ABTB3: variants seen among roughly 807,000 people sequenced by gnomAD.
ABTB3 encodes ankyrin repeat- and BTB/POZ domain-containing protein 3.
At chr12:107,535,490 A>G in the ABTB3 span, among the ~76,000 whole-genome samples, 4 of 152,214 alleles carry the variant, frequency 2.6e-5, no homozygotes, top group African/African-American at 9.6e-5. Context: ...CCCTCTTTGC[A>G]AATGGCATGA....
chr12:107,657,756 A>G, the ABTB3 span: 2 of 1,602,028 alleles, frequency 1.2e-6, no homozygotes, highest in Non-Finnish European at 1.7e-6. Flanking sequence ...GGAACTTTCC[A>G]GTTCTCCTGC....
chr12:107,433,801 A>G, the ABTB3 span, among the ~76,000 whole-genome samples: 1 of 152,186 alleles, frequency 6.6e-6, no homozygotes, highest in Non-Finnish European at 1.5e-5. Flanking sequence ...ACAAAGTACC[A>G]TTGACTAGGT....
chr12:107,459,230 A>G, the ABTB3 span, among the ~76,000 whole-genome samples: 1 of 152,234 alleles, frequency 6.6e-6, no homozygotes, highest in Admixed American at 6.5e-5. Flanking sequence ...TCAAAGCCAC[A>G]TGCTAGTCAG....
At chr12:107,657,608 G>A in the ABTB3 span, 4 of 1,614,198 alleles carry the variant, frequency 2.5e-6, no homozygotes, top group Non-Finnish European at 3.4e-6. Context: ...GCTCCTGTAT[G>A]ACAAAAATGG....
At chr12:107,618,900 T>C in the ABTB3 span, among the ~76,000 whole-genome samples, 1 of 152,196 alleles carries the variant, frequency 6.6e-6, no homozygotes, top group Non-Finnish European at 1.5e-5. Context: ...CCTGTTGAGC[T>C]TCAGAGGGCA....
At chr12:107,351,116 A>T in the ABTB3 span, among the ~76,000 whole-genome samples, 1 of 152,222 alleles carries the variant, frequency 6.6e-6, no homozygotes, top group Non-Finnish European at 1.5e-5. Flanking sequence ...ATTCAATTAC[A>T]GGATTTGCAG....
chr12:107,360,926 T>A, the ABTB3 span, among the ~76,000 whole-genome samples: 1 of 106,246 alleles, frequency 9.4e-6, no homozygotes, highest in South Asian at 3.5e-4. Flanking sequence ...GCTAATTTAA[T>A]TTAATTTTTT....
chr12:107,540,331 T>C, the ABTB3 span, among the ~76,000 whole-genome samples: 2 of 152,178 alleles, frequency 1.3e-5, no homozygotes, highest in Non-Finnish European at 2.9e-5. Context: ...AAAATTTACC[T>C]TTCCTGTGCC....
chr12:107,500,638 A>G, the ABTB3 span, among the ~76,000 whole-genome samples: 2 of 152,272 alleles, frequency 1.3e-5, no homozygotes, highest in South Asian at 2.1e-4. Flanking sequence ...TGCTCAGGCC[A>G]CGACTGTGTA....
At chr12:107,656,052 C>G in the ABTB3 span, among the ~76,000 whole-genome samples, 430 of 151,390 alleles carry the variant, frequency 2.8e-3, 4 homozygotes, top group East Asian at 0.027. Context: ...TTTTGGGAGG[C>G]TGAGGTGGGA....
the ABTB3 span, among the ~76,000 whole-genome samples, chr12:107,374,997 T>G: frequency 6.6e-6 from 1 of 152,110 alleles, no homozygotes; most frequent in Non-Finnish European, 1.5e-5. Flanking sequence ...GGGGAAAGGT[T>G]AAGTCTTTTT....
At chr12:107,581,873 G>C in the ABTB3 span, among the ~76,000 whole-genome samples, 3 of 152,152 alleles carry the variant, frequency 2.0e-5, no homozygotes, top group African/African-American at 7.2e-5. Flanking sequence ...TCATAATCTG[G>C]CTTTAAATGC....
At chr12:107,635,327 T>G in the ABTB3 span, 1 of 1,613,962 alleles carries the variant, frequency 6.2e-7, no homozygotes, top group South Asian at 1.1e-5. Flanking sequence ...CTTCACACAC[T>G]GCTACGGGCC....
At chr12:107,494,667 G>T in the ABTB3 span, among the ~76,000 whole-genome samples, 1 of 152,166 alleles carries the variant, frequency 6.6e-6, no homozygotes, top group Admixed American at 6.5e-5. Context: ...TTCGGAGCCT[G>T]GGCATCTCCT....
chr12:107,386,490 CT>C, the ABTB3 span, among the ~76,000 whole-genome samples: 6 of 152,278 alleles, frequency 3.9e-5, no homozygotes, highest in South Asian at 1.2e-3. Flanking sequence ...GATAAAAGCC[CT>C]TTATAACTGT....
chr12:107,586,655 T>A, the ABTB3 span, among the ~76,000 whole-genome samples: 157 of 152,264 alleles, frequency 1.0e-3, no homozygotes, highest in Non-Finnish European at 1.9e-3. Flanking sequence ...CCTGGGGAGT[T>A]GCTTTGGGGC....
chr12:107,464,251 G>C, the ABTB3 span, among the ~76,000 whole-genome samples: 6 of 101,746 alleles, frequency 5.9e-5, no homozygotes, highest in African/African-American at 2.4e-4. Context: ...GTGTGTGTGT[G>C]TGTGTGTGTA....
chr12:107,582,143 G>C, the ABTB3 span, among the ~76,000 whole-genome samples: 1 of 152,156 alleles, frequency 6.6e-6, no homozygotes, highest in Non-Finnish European at 1.5e-5. Flanking sequence ...AGGGTTTGTG[G>C]TATGCAGCAG....
At chr12:107,579,042 G>C in the ABTB3 span, among the ~76,000 whole-genome samples, 1 of 152,212 alleles carries the variant, frequency 6.6e-6, no homozygotes, top group Non-Finnish European at 1.5e-5. Context: ...CAGAGGCAGC[G>C]GGTAAGGCCA....
Sources: gnomAD v4.1 joint callset for allele counts (sites outside exome capture counted in the v4.1 genomes callset) on GRCh38, gnomAD v4.1.1 for gene constraint, MANE v1.5 for transcripts, NCBI Gene and HGNC (gene_info 2026-07-23, HGNC 2026-07-21) for gene names.